Variants in SH3RF3 observed in about 807,000 individuals in gnomAD.
SH3RF3 encodes the protein E3 ubiquitin-protein ligase SH3RF3.
Under a neutral mutation model 66.3 loss-of-function variants are expected in SH3RF3, and 29 were observed. That is an observed-to-expected ratio of 0.44 (90% CI 0.33 to 0.60). SH3RF3 has a LOEUF of 0.60. SH3RF3 is among the 20% of genes least tolerant of loss of function. The pLI is 0.04. For missense variants in SH3RF3, 1,194 were observed against 1,190.9 expected (o/e 1.00, Z -0.04); for synonymous variants, 583 against 532.0 (o/e 1.10, Z -1.32).
intron 1 of SH3RF3, among the ~76,000 whole-genome samples, chr2:109,255,126 G>A (rs956066601): frequency 3.9e-5 from 6 of 152,184 alleles, no homozygotes; most frequent in African/African-American, 1.4e-4. Flanking sequence ...TAGTGTTTGT[G>A]TGTGTGTGTC....
chr2:109,339,504 G>T (rs201636321), intron 1 of SH3RF3, among the ~76,000 whole-genome samples: 1 of 152,144 alleles, frequency 6.6e-6, no homozygotes, highest in Non-Finnish European at 1.5e-5. Context: ...GGAGGCCCAC[G>T]TGAGTGTGCT....
chr2:109,231,595 C>G (rs1423640234), intron 1 of SH3RF3, among the ~76,000 whole-genome samples: 4 of 152,214 alleles, frequency 2.6e-5, no homozygotes, highest in Admixed American at 1.3e-4. Flanking sequence ...CTTCTTTCCA[C>G]CTACTAGTTA....
At position 109,436,027 on chromosome 2, in the gene SH3RF3, G is replaced by A. The variant is rs77358700; in HGVS notation, c.1575-866G>A. On this transcript the variant is annotated intron_variant, in intron 6 of 9. Coordinates refer to ENST00000309415, the MANE Select transcript of SH3RF3 (RefSeq NM_001099289.3). ...GCCGGGAGCTTCCCTGCTAGAGGTCGTGCCCAGTGATACCAGCCACAGGGA... is the reference window on the plus strand; with the variant it reads ...GCCGGGAGCTTCCCTGCTAGAGGTCATGCCCAGTGATACCAGCCACAGGGA... 3.5e-3 allele frequency among the ~76,000 whole-genome samples: 528 copies of A among 152,226 alleles called. 19 individuals carry two copies. In the East Asian group the frequency reaches 0.061, roughly 18 times the overall value.
intron 1 of SH3RF3, among the ~76,000 whole-genome samples, chr2:109,256,100 C>T (rs1270627103): frequency 2.0e-5 from 3 of 152,194 alleles, no homozygotes; most frequent in African/African-American, 4.8e-5. Context: ...TTCCCATGAG[C>T]CTGCAAAGTC....
chr2:109,267,457 T>C (rs1159230798), intron 1 of SH3RF3, among the ~76,000 whole-genome samples: 1 of 152,226 alleles, frequency 6.6e-6, no homozygotes, highest in Non-Finnish European at 1.5e-5. Flanking sequence ...GCTCCCGGGC[T>C]GCTTTTCATA....
At chr2:109,144,370 T>C (rs1044479871) in intron 1 of SH3RF3, among the ~76,000 whole-genome samples, 1 of 152,178 alleles carries the variant, frequency 6.6e-6, no homozygotes, top group Non-Finnish European at 1.5e-5. Context: ...AAAGTACTTT[T>C]AAAAAACACA....
intron 9 of SH3RF3, among the ~76,000 whole-genome samples, chr2:109,496,047 A>AAAG (rs1679251636): frequency 6.6e-6 from 1 of 152,164 alleles, no homozygotes; most frequent in African/African-American, 2.4e-5. Context: ...ATGGAAGGGG[A>AAAG]CCCACCGGGT....
intron 1 of SH3RF3, among the ~76,000 whole-genome samples, chr2:109,174,448 G>A (rs1378869156): frequency 2.6e-5 from 4 of 152,184 alleles, no homozygotes; most frequent in Admixed American, 2.6e-4. Flanking sequence ...GACCAGAGTG[G>A]TGCCCTGATC....
At chr2:109,415,054 G>A (rs913840636) in intron 4 of SH3RF3, among the ~76,000 whole-genome samples, 1 of 152,234 alleles carries the variant, frequency 6.6e-6, no homozygotes, top group Non-Finnish European at 1.5e-5. Context: ...CGTGGTGGAA[G>A]CAGAGGCTAG....
intron 1 of SH3RF3, among the ~76,000 whole-genome samples, chr2:109,194,070 A>G (rs1678435288): frequency 6.6e-6 from 1 of 152,224 alleles, no homozygotes; most frequent in African/African-American, 2.4e-5. Context: ...CCAAATCTCC[A>G]GGTCAGGATA....
chr2:109,373,790 C>T (rs1387873948), intron 3 of SH3RF3, among the ~76,000 whole-genome samples: 3 of 152,092 alleles, frequency 2.0e-5, no homozygotes, highest in African/African-American at 7.2e-5. Context: ...AAGCTAAGAG[C>T]AAATCTTAAA....
chr2:109,247,515 A>G (rs1207847970), intron 1 of SH3RF3, among the ~76,000 whole-genome samples: 1 of 152,132 alleles, frequency 6.6e-6, no homozygotes, highest in African/African-American at 2.4e-5. Context: ...TAAGGCAGGC[A>G]TGGGTGGTCA....
chr2:109,319,429 G>A (rs191514301), intron 1 of SH3RF3, among the ~76,000 whole-genome samples: 2 of 152,296 alleles, frequency 1.3e-5, no homozygotes, highest in East Asian at 1.9e-4. Flanking sequence ...TCAGCCTGCT[G>A]GGCTGAAAGC....
intron 1 of SH3RF3, among the ~76,000 whole-genome samples, chr2:109,333,433 T>C (rs967241889): frequency 1.3e-5 from 2 of 152,244 alleles, no homozygotes; most frequent in Non-Finnish European, 2.9e-5. Context: ...AAAACAAGCC[T>C]AACCTTAGTC....
At chr2:109,193,624 C>T (rs1678423757) in intron 1 of SH3RF3, among the ~76,000 whole-genome samples, 1 of 152,104 alleles carries the variant, frequency 6.6e-6, no homozygotes, top group Admixed American at 6.6e-5. Flanking sequence ...TATGGATGCA[C>T]CACATTTCTT....
chr2:109,223,996 C>T (rs554162111), intron 1 of SH3RF3, among the ~76,000 whole-genome samples: 31 of 152,148 alleles, frequency 2.0e-4, no homozygotes, highest in African/African-American at 3.6e-4. Flanking sequence ...AGTGAGACTC[C>T]GTCTCAAAAA....
intron 1 of SH3RF3, among the ~76,000 whole-genome samples, chr2:109,289,054 C>G: frequency 6.6e-6 from 1 of 152,250 alleles, no homozygotes; most frequent in South Asian, 2.1e-4. Flanking sequence ...TCAACTGTTC[C>G]TGGAATAGGT....
At chr2:109,360,893 C>G (rs908383964) in intron 2 of SH3RF3, among the ~76,000 whole-genome samples, 1 of 152,136 alleles carries the variant, frequency 6.6e-6, no homozygotes, top group African/African-American at 2.4e-5. Flanking sequence ...TTGCCTTGTC[C>G]TTGATCTTAG....
chr2:109,290,651 CCT>C (rs1169905333), intron 1 of SH3RF3, among the ~76,000 whole-genome samples: 1 of 152,210 alleles, frequency 6.6e-6, no homozygotes, highest in African/African-American at 2.4e-5. Context: ...GCCCTCCCTC[CCT>C]GTTGTATCCA....
Sources: allele counts gnomAD v4.1 joint callset (sites outside exome capture counted in the v4.1 genomes callset), GRCh38; gene constraint gnomAD v4.1.1; transcripts MANE v1.5; gene names NCBI Gene and HGNC (gene_info 2026-07-23, HGNC 2026-07-21).